PHC3: variants seen among roughly 807,000 people sequenced by gnomAD.
PHC3 encodes the protein polyhomeotic-like protein 3.
A neutral mutation model predicts 107.4 loss-of-function variants in PHC3; 13 were observed. The ratio of observed to expected loss-of-function variants is 0.12; its 90% CI spans 0.08 to 0.19. The LOEUF is 0.19. Ranked by LOEUF, PHC3 falls within the 10% of genes least tolerant of loss-of-function variation. The probability of loss-of-function intolerance (pLI) is 1.00; values close to 1 mark genes in which losing one functional copy is unlikely to be tolerated. For missense variants in PHC3, 992 were observed against 1,210.9 expected, an observed-to-expected ratio of 0.82 and a Z score of 2.68; for synonymous variants, 456 against 427.4, an observed-to-expected ratio of 1.07 and a Z score of -0.83.
At chr3:170,142,123 GT>G (rs1249235672) in intron 6 of PHC3, among the ~76,000 whole-genome samples, 3 of 152,024 alleles carry the variant, frequency 2.0e-5, no homozygotes, top group Non-Finnish European at 4.4e-5. Flanking sequence ...GAGCTGAGTT[GT>G]TTTAAGGAAT....
chr3:170,097,484 G>A lies in PHC3; in HGVS notation c.2834-100C>T. On this transcript the variant is annotated intron_variant, in intron 14 of 14. Transcript: ENST00000495893. The surrounding 1 kb of genome is among the most constrained non-coding windows in gnomAD (Gnocchi z 4.1). ...ATGCTCTCACTGGGTCTGAGAATCT[G>A]AAATACAGGCTGAGAAACAAATGAA... 1 of 1,135,718 alleles carries A rather than the reference G, an allele frequency of 8.8e-7. No homozygotes were observed. The allele number at this position is 1,135,718 out of a possible 1,614,324, so 70.4% of individuals were successfully genotyped here. A position where few individuals can be genotyped will look rare whatever the true frequency, so the allele number is the denominator to read the frequency against.
chr3:170,113,977 A>C (rs1718383346), intron 10 of PHC3, among the ~76,000 whole-genome samples: 1 of 152,028 alleles, frequency 6.6e-6, no homozygotes, highest in African/African-American at 2.4e-5. Flanking sequence ...TTCTCTCTCA[A>C]GTTCTTTGTG....
intron 5 of PHC3, among the ~76,000 whole-genome samples, chr3:170,146,820 A>G (rs1725041918): frequency 6.7e-6 from 1 of 148,942 alleles, no homozygotes; most frequent in Non-Finnish European, 1.5e-5. Context: ...GGCGTGAGCC[A>G]CCGTGCCCAG....
intron 7 of PHC3, among the ~76,000 whole-genome samples, chr3:170,130,735 C>T (rs934788768): frequency 2.6e-5 from 4 of 152,050 alleles, no homozygotes; most frequent in Non-Finnish European, 5.9e-5. Context: ...TGGTAGGGAG[C>T]CCCCCATCAT....
Position 170,095,592 on chromosome 3 carries a change from C to T in PHC3, c.*1638G>A, listed in dbSNP as rs1416974321. The T allele has an allele frequency of 6.6e-5, 10 of 152,088 alleles. No homozygotes were observed. Among genetic ancestry groups the T allele is most frequent in the African/African-American group, 2.4e-4 (10 of 41,448 alleles). The allele number at this position is 152,088 out of a possible 1,614,324, so 9.4% of individuals were successfully genotyped here. A position where few individuals can be genotyped will look rare whatever the true frequency, so the allele number is the denominator to read the frequency against. ...TTTTTGAAAAGAGCAGTGAAAATGA[C>T]TGAAACTCACGGACTCTTTTTTTCC... On this transcript the variant is annotated 3_prime_UTR_variant, in exon 15 of 15. Transcript: ENST00000495893.
intron 7 of PHC3, among the ~76,000 whole-genome samples, chr3:170,134,389 C>G (rs561645436): frequency 5.9e-5 from 9 of 152,096 alleles, no homozygotes; most frequent in Admixed American, 3.3e-4. Context: ...GGGGTTTCAC[C>G]ATGTTGGTCA....
rs1281432415 is a variant in PHC3, at chr3:170,164,652, A to G, written c.414+6721T>C. Among the ~76,000 whole-genome samples the G allele has an allele frequency of 2.0e-5, 3 of 152,194 alleles. No homozygotes were observed. In the East Asian group the frequency reaches 5.8e-4, roughly 29 times the overall value. ...AATACATAGACTGGCTAGAGACCTC[A>G]GGACCAAGAAAACAACATGGTAATG... On this transcript the variant is annotated intron_variant, in intron 4 of 14. Transcript: ENST00000495893.
At chr3:170,112,870 T>C (rs953231351) in intron 11 of PHC3, among the ~76,000 whole-genome samples, 1 of 152,296 alleles carries the variant, frequency 6.6e-6, no homozygotes. Context: ...AGGAGTTTTC[T>C]CGTTGAACAA....
At chr3:170,174,673 A>C (rs1398568408) in intron 2 of PHC3, among the ~76,000 whole-genome samples, 1 of 152,186 alleles carries the variant, frequency 6.6e-6, no homozygotes, top group African/African-American at 2.4e-5. Context: ...CCTTTTATCT[A>C]AACTTCAAGA....
rs765527970 is a variant in PHC3, at chr3:170,097,404, C to A, written c.2834-20G>T. 6.2e-7 allele frequency: 1 copy of A among 1,606,674 alleles called. No homozygotes were observed. On this transcript the variant is annotated intron_variant, in intron 14 of 14. Transcript: ENST00000495893. This position sits in a 1 kb window ranked among gnomAD's most constrained non-coding sequence, Gnocchi z 4.1. ...GGCAGCCTGGAATTTGACCAGAGGA[C>A]AGAAGTTAGAATTAAATATACAACA...
chr3:170,153,123 T>C (rs78769324), intron 4 of PHC3, among the ~76,000 whole-genome samples: 1,853 of 152,276 alleles, frequency 0.012, 40 homozygotes, highest in African/African-American at 0.042. Context: ...CCAGCTCAAA[T>C]TCAGCATGTT....
rs774172249 is a variant in PHC3 at position 170,136,624 on chromosome 3, T to C, written c.714A>G (p.Leu238=). The change falls in exon 7 of 15, where the codon TTA becomes TTG. Residue 238 remains leucine, a synonymous_variant. Coordinates refer to ENST00000495893, the MANE Select transcript of PHC3 (RefSeq NM_024947.4). The part of the protein sequence containing the change: ...LTLRSQKLGV[L]SSSQNGPPKS... ...TTGGTGGACCATTCTGTGAGCTAGA[T>C]AATACACCCAACTTCTGGCTGCGTA... is the stretch of plus-strand genomic sequence containing the variant. The C allele has an allele frequency of 3.1e-6, 5 of 1,613,660 alleles. No homozygotes were observed. Among genetic ancestry groups the C allele is most frequent in the East Asian group, 2.2e-5 (1 of 44,882 alleles).
chr3:170,137,527 TAA>T (rs1723299490), intron 6 of PHC3, among the ~76,000 whole-genome samples: 2 of 152,230 alleles, frequency 1.3e-5, no homozygotes, highest in African/African-American at 4.8e-5. Context: ...GAAACTGAAA[TAA>T]AAGAGACTCC....
intron 11 of PHC3, among the ~76,000 whole-genome samples, chr3:170,107,683 A>G (rs1396700327): frequency 7.4e-6 from 1 of 135,982 alleles, no homozygotes; most frequent in African/African-American, 2.7e-5. Flanking sequence ...AACTAGGCTT[A>G]AAAATCAGTT....
At chr3:170,154,015 A>C (rs899476348) in intron 4 of PHC3, among the ~76,000 whole-genome samples, 6 of 152,100 alleles carry the variant, frequency 3.9e-5, no homozygotes, top group African/African-American at 7.2e-5. Flanking sequence ...TGCTCTAATA[A>C]GCTTTTTCAG....
At chr3:170,174,895 T>A (rs1730177343) in intron 2 of PHC3, among the ~76,000 whole-genome samples, 1 of 152,198 alleles carries the variant, frequency 6.6e-6, no homozygotes, top group Admixed American at 6.5e-5. Context: ...TTCTTCTAAT[T>A]CCATAACAAA....
At chr3:170,171,548 A>C in intron 3 of PHC3, 98 bp from the exon 4 acceptor site, 2 of 801,420 alleles carry the variant, frequency 2.5e-6, no homozygotes, top group Non-Finnish European at 2.0e-6. Context: ...AAATGTCAAA[A>C]GGCCTATGTA....
At chr3:170,114,468 G>C (rs1221467038) in intron 10 of PHC3, among the ~76,000 whole-genome samples, 1 of 152,116 alleles carries the variant, frequency 6.6e-6, no homozygotes, top group Non-Finnish European at 1.5e-5. Context: ...TTCTGGATAA[G>C]AAAACTAAAA....
At position 170,092,357 on chromosome 3, in the gene PHC3, A is replaced by C. The variant is rs925283597; in HGVS notation, c.*4873T>G. 6.6e-6 allele frequency: 1 copy of C among 152,214 alleles called. No homozygotes were observed. The highest frequency in any genetic ancestry group is 2.1e-4 in the South Asian group (1 of 4,832). 9.4% of individuals were successfully genotyped at this position (152,214 alleles called of 1,614,324 possible). On this transcript the variant is annotated 3_prime_UTR_variant, in exon 15 of 15. Coordinates refer to ENST00000495893, the MANE Select transcript of PHC3 (RefSeq NM_024947.4). The stretch of plus-strand genomic sequence containing the variant: ...CAAGTTGAAATTTTAGTAAGATTGC[A>C]TATTTACTTTTCCTAATACTGTATT...
Sources: allele counts gnomAD v4.1 joint callset (sites outside exome capture counted in the v4.1 genomes callset), GRCh38; gene constraint gnomAD v4.1.1; non-coding constraint Gnocchi (gnomAD v3.1); transcripts MANE v1.5; gene names NCBI Gene and HGNC (gene_info 2026-07-23, HGNC 2026-07-21).